PDSS2: variants seen among roughly 807,000 people sequenced by gnomAD.
PDSS2 encodes decaprenyl diphosphate synthase subunit 2.
In PDSS2, 31 loss-of-function variants were observed where a neutral mutation model predicts 44.5. That is an observed-to-expected ratio of 0.70 (90% CI 0.52 to 0.94). The LOEUF is 0.94. PDSS2 is among the 40% of genes least tolerant of loss of function. The pLI is 0.00. For synonymous variants in PDSS2, 157 were observed against 180.3 expected (o/e 0.87, Z 1.03); for missense variants, 452 against 482.2 (o/e 0.94, Z 0.59).
chr6:107,383,054 C>T (rs1379300967), intron 1 of PDSS2, among the ~76,000 whole-genome samples: 2 of 151,716 alleles, frequency 1.3e-5, no homozygotes, highest in Non-Finnish European at 2.9e-5. Context: ...GTAATCCCAA[C>T]ACTTTGGGAG....
chr6:107,259,893 T>C (rs534155692), intron 3 of PDSS2, among the ~76,000 whole-genome samples: 51 of 152,268 alleles, frequency 3.3e-4, no homozygotes, highest in African/African-American at 9.6e-4. Flanking sequence ...TAGTAAACAG[T>C]TACTCTGATA....
At chr6:107,352,744 T>C (rs536193092) in intron 1 of PDSS2, among the ~76,000 whole-genome samples, 1 of 152,330 alleles carries the variant, frequency 6.6e-6, no homozygotes, top group South Asian at 2.1e-4. Context: ...GAGGGGACTT[T>C]GGCAATGTCA....
At position 107,166,131 on chromosome 6, in the gene PDSS2, T is replaced by C. The variant is rs1474446111; in HGVS notation, c.1042-11354A>G. ...TGCAAACAGGGACAATTTGACTTCC[T>C]CTTTTCCTAATTGAATACCCTTTAT... On this transcript the variant is annotated intron_variant, in intron 7 of 7. Coordinates refer to ENST00000369037, the MANE Select transcript of PDSS2 (RefSeq NM_020381.4). 8.5e-5 allele frequency among the ~76,000 whole-genome samples: 13 copies of C among 152,072 alleles called. No individual in the cohort carries two copies. The East Asian group carries it at 9.6e-4, about 11-fold the overall frequency.
At chr6:107,340,994 G>A (rs1778062057) in intron 1 of PDSS2, among the ~76,000 whole-genome samples, 1 of 152,170 alleles carries the variant, frequency 6.6e-6, no homozygotes, top group Non-Finnish European at 1.5e-5. Context: ...GGCATAAGTG[G>A]TTTGTCTGCA....
chr6:107,338,636 G>A (rs1777982914), intron 1 of PDSS2, among the ~76,000 whole-genome samples: 1 of 152,184 alleles, frequency 6.6e-6, no homozygotes, highest in Non-Finnish European at 1.5e-5. Flanking sequence ...AGACTTCCGT[G>A]AGATCTAAAG....
intron 2 of PDSS2, among the ~76,000 whole-genome samples, chr6:107,305,956 C>A (rs542674351): frequency 9.2e-5 from 14 of 152,198 alleles, no homozygotes; most frequent in Admixed American, 5.2e-4. Flanking sequence ...ATTGAGGATA[C>A]CCATCATCTA....
intron 1 of PDSS2, among the ~76,000 whole-genome samples, chr6:107,373,793 C>A (rs2448086): frequency 0.41 from 61,767 of 151,672 alleles, 14,037 homozygotes; most frequent in Middle Eastern, 0.64. Context: ...AAATCTCCTG[C>A]TTTTTCTCAC....
At chr6:107,202,285 C>T (rs1050004668) in intron 6 of PDSS2, among the ~76,000 whole-genome samples, 10 of 152,210 alleles carry the variant, frequency 6.6e-5, no homozygotes, top group Admixed American at 6.5e-4. Context: ...GCAATCCTCC[C>T]GCCTTGGCCT....
At chr6:107,200,124 G>T (rs1009315319) in intron 6 of PDSS2, among the ~76,000 whole-genome samples, 1 of 152,156 alleles carries the variant, frequency 6.6e-6, no homozygotes, top group Admixed American at 6.5e-5. Flanking sequence ...TCTCCAGAGA[G>T]ATTTCAAGAC....
At chr6:107,272,494 G>A (rs950677030) in intron 3 of PDSS2, among the ~76,000 whole-genome samples, 3 of 152,262 alleles carry the variant, frequency 2.0e-5, no homozygotes, top group Non-Finnish European at 4.4e-5. Flanking sequence ...GACAGAAGGA[G>A]CCTGGATCCC....
intron 6 of PDSS2, among the ~76,000 whole-genome samples, chr6:107,194,605 A>G (rs1445077777): frequency 1.3e-5 from 2 of 152,236 alleles, no homozygotes; most frequent in African/African-American, 4.8e-5. Flanking sequence ...GAAATATTAC[A>G]TACTCCATCA....
chr6:107,197,788 T>C (rs1010004527), intron 6 of PDSS2: 1 of 470,370 alleles, frequency 2.1e-6, no homozygotes, highest in Non-Finnish European at 4.4e-6. Flanking sequence ...AACCATCTCC[T>C]CTTCATGCTC....
intron 1 of PDSS2, among the ~76,000 whole-genome samples, chr6:107,357,566 C>A (rs545511466): frequency 2.6e-4 from 40 of 152,170 alleles, no homozygotes; most frequent in Non-Finnish European, 4.6e-4. Flanking sequence ...TTACTAAGAA[C>A]TAAATTTTTA....
chr6:107,456,888 G>A (rs1236737979), intron 1 of PDSS2, among the ~76,000 whole-genome samples: 2 of 152,132 alleles, frequency 1.3e-5, no homozygotes, highest in Non-Finnish European at 2.9e-5. Flanking sequence ...AGTTTAGTGG[G>A]AGTCAGGGAG....
chr6:107,448,275 A>C (rs1781753100), intron 1 of PDSS2, among the ~76,000 whole-genome samples: 1 of 152,206 alleles, frequency 6.6e-6, no homozygotes, highest in Non-Finnish European at 1.5e-5. Flanking sequence ...TCCTCAGAAA[A>C]TGAGTTTTTC....
chr6:107,192,519 A>G, intron 7 of PDSS2: 1 of 373,884 alleles, frequency 2.7e-6, no homozygotes, highest in Non-Finnish European at 5.3e-6. Context: ...AATCTGTAAG[A>G]AAAGCTTCCC....
intron 1 of PDSS2, among the ~76,000 whole-genome samples, chr6:107,334,774 C>T (rs1777829465): frequency 6.6e-6 from 1 of 151,764 alleles, no homozygotes; most frequent in Admixed American, 6.6e-5. Context: ...TCTTGAACTC[C>T]TGGACACAAG....
intron 3 of PDSS2, among the ~76,000 whole-genome samples, chr6:107,247,201 T>C (rs967629233): frequency 3.9e-5 from 6 of 152,208 alleles, no homozygotes; most frequent in African/African-American, 1.4e-4. Context: ...AATCACTCAC[T>C]AAGAAATGTT....
At chr6:107,160,438 TCC>T (rs782720591) in intron 7 of PDSS2, among the ~76,000 whole-genome samples, 1 of 151,992 alleles carries the variant, frequency 6.6e-6, no homozygotes, top group Non-Finnish European at 1.5e-5. Flanking sequence ...AGCCTCTACC[TCC>T]TGTGCACAAG....
Sources: allele counts gnomAD v4.1 joint callset (sites outside exome capture counted in the v4.1 genomes callset), GRCh38; gene constraint gnomAD v4.1.1; transcripts MANE v1.5; gene names NCBI Gene and HGNC (gene_info 2026-07-23, HGNC 2026-07-21).